A2M: variants seen among roughly 807,000 people sequenced by gnomAD.
The protein encoded by A2M is alpha-2-macroglobulin.
In A2M, 128 loss-of-function variants were observed where a neutral mutation model predicts 183.9. That is an observed-to-expected ratio of 0.70 (90% CI 0.60 to 0.81). The LOEUF is 0.81. A2M is among the 30% of genes least tolerant of loss of function. A2M has a pLI of 0.00. For synonymous variants in A2M, 592 were observed against 670.8 expected (o/e 0.88, Z 1.81); for missense variants, 1,495 against 1,787.6 (o/e 0.84, Z 2.95).
rs200618918 is a variant in A2M, at chr12:9,110,052, A to G, written c.505-17T>C. ...TTTGGGATCCTATATGAGTAAATTA[A>G]TTATAACTTACAAAAGCACCTGGAG... On this transcript the variant is annotated splice_polypyrimidine_tract_variant and intron_variant, in intron 5 of 35. Coordinates refer to ENST00000318602, the MANE Select transcript of A2M (RefSeq NM_000014.6). 3.1e-6 allele frequency: 5 copies of G among 1,591,628 alleles called. No homozygotes were observed. The highest frequency in any genetic ancestry group is 3.7e-5 in the Admixed American group (2 of 54,778).
chr12:9,107,025 T>A (rs936342375), intron 8 of A2M, among the ~76,000 whole-genome samples: 1 of 152,238 alleles, frequency 6.6e-6, no homozygotes, highest in Non-Finnish European at 1.5e-5. Context: ...GTTCAAGTCC[T>A]GTCCACTTGC....
chr12:9,087,468 A>C (rs1592354049), intron 22 of A2M, among the ~76,000 whole-genome samples: 1 of 152,188 alleles, frequency 6.6e-6, no homozygotes, highest in East Asian at 1.9e-4. Context: ...TCAAATTCAC[A>C]GGAGCAGAGA....
chr12:9,070,852 C>T (rs1481012898), intron 31 of A2M, among the ~76,000 whole-genome samples: 2 of 149,576 alleles, frequency 1.3e-5, no homozygotes, highest in Non-Finnish European at 3.0e-5. Context: ...GAGTTTTTCA[C>T]TCTTCTTGCC....
chr12:9,072,558 C>T (rs1948609096), intron 30 of A2M, 72 bp from the exon 31 acceptor site: 3 of 1,599,886 alleles, frequency 1.9e-6, no homozygotes, highest in Non-Finnish European at 2.6e-6. Flanking sequence ...CTAACCCTTT[C>T]TCTGATCTGT....
chr12:9,068,617 T>C lies in A2M; in HGVS notation c.4366+123A>G, dbSNP rs1199093348. On this transcript the variant is annotated intron_variant, in intron 34 of 35. Transcript: ENST00000318602. ...ACAAAAAGAGGGGCATCAGACTTGATGGAGACAAAATGAAGTGATAATGTA... is the reference window on the plus strand; with the variant it reads ...ACAAAAAGAGGGGCATCAGACTTGACGGAGACAAAATGAAGTGATAATGTA... 5 of 808,986 alleles carry C rather than the reference T, an allele frequency of 6.2e-6. No individual in the cohort carries two copies. The Admixed American group carries it at 6.6e-5, about 11-fold the overall frequency. The allele number at this position is 808,986 out of a possible 1,614,324, so 50.1% of individuals were successfully genotyped here.
At chr12:9,070,341 A>G (rs1948532091) in intron 32 of A2M, 147 bp downstream of exon 32, 1 of 635,268 alleles carries the variant, frequency 1.6e-6, no homozygotes, top group Admixed American at 2.6e-5. Context: ...TCATACAAAC[A>G]CATGTGATTA....
Position 9,093,473 on chromosome 12 carries a change from C to A in A2M, c.2232G>T (p.Val744=). ...YFPETWIWDL[V]VVNSAGVAEV... ...TGCAGGAAGTTACTTACTTTACCAC[C>A]ACCAAATCCCAGATCCATGTCTCAG... The change falls in exon 18 of 36, where the codon GTG becomes GTT. Residue 744 remains valine (V), a synonymous_variant. Transcript: ENST00000318602. The A allele has an allele frequency of 6.2e-7, 1 of 1,613,150 alleles. No homozygotes were observed. The highest frequency in any genetic ancestry group is 8.5e-7 in the Non-Finnish European group (1 of 1,179,206).
intron 15 of A2M, among the ~76,000 whole-genome samples, chr12:9,096,367 T>G (rs1038667517): frequency 4.6e-5 from 7 of 152,150 alleles, no homozygotes; most frequent in Admixed American, 3.9e-4. Flanking sequence ...GCACAAAGCT[T>G]TGAGATGATA....
chr12:9,086,568 A>G (rs778084746), intron 22 of A2M, among the ~76,000 whole-genome samples: 1 of 152,340 alleles, frequency 6.6e-6, no homozygotes, highest in East Asian at 1.9e-4. Flanking sequence ...AGATGGAGAA[A>G]AAGTATTTGA....
intron 31 of A2M, 100 bp from the exon 32 acceptor site, chr12:9,070,678 C>T (rs1565576066): frequency 1.2e-5 from 9 of 756,220 alleles, no homozygotes; most frequent in East Asian, 5.5e-5. Context: ...AAAAGGTACA[C>T]GTAAGTCTTC....
intron 22 of A2M, among the ~76,000 whole-genome samples, chr12:9,085,292 C>A (rs911027974): frequency 6.6e-6 from 1 of 151,980 alleles, no homozygotes; most frequent in African/African-American, 2.4e-5. Flanking sequence ...AGACTGAAAT[C>A]GTTTCATCGT....
chr12:9,090,505 G>A, intron 19 of A2M, 23 bp from the exon 20 acceptor site: 1 of 1,610,632 alleles, frequency 6.2e-7, no homozygotes, highest in Non-Finnish European at 8.5e-7. Flanking sequence ...ATAAGAAAGG[G>A]AGTAGAGAGG....
At chr12:9,090,539 GT>G in intron 19 of A2M, 57 bp from the exon 20 acceptor site, 1 of 1,576,624 alleles carries the variant, frequency 6.3e-7, no homozygotes, top group Non-Finnish European at 8.7e-7. Flanking sequence ...GGGAGAATGG[GT>G]TTGAAGTAAA....
intron 22 of A2M, among the ~76,000 whole-genome samples, chr12:9,081,570 A>G (rs760240379): frequency 6.6e-6 from 1 of 152,246 alleles, no homozygotes; most frequent in Non-Finnish European, 1.5e-5. Flanking sequence ...TAGGACACCT[A>G]CATTGTTCAT....
intron 1 of A2M, among the ~76,000 whole-genome samples, chr12:9,114,965 G>C (rs1424149116): frequency 6.6e-6 from 1 of 152,096 alleles, no homozygotes; most frequent in Non-Finnish European, 1.5e-5. Context: ...ATGATGAGCT[G>C]TTTTTTCCCC....
At chr12:9,081,121 C>A (rs1010161589) in intron 22 of A2M, among the ~76,000 whole-genome samples, 1 of 151,894 alleles carries the variant, frequency 6.6e-6, no homozygotes, top group African/African-American at 2.4e-5. Flanking sequence ...AAAATATCTG[C>A]AACATATTCA....
chr12:9,084,561 A>AAG (rs146033573), intron 22 of A2M, among the ~76,000 whole-genome samples: 2,561 of 152,238 alleles, frequency 0.017, 77 homozygotes, highest in African/African-American at 0.059. Flanking sequence ...AAAATTTTAA[A>AAG]AGATTCAAAT....
At chr12:9,109,092 C>T (rs1210656620) in intron 7 of A2M, among the ~76,000 whole-genome samples, 1 of 151,984 alleles carries the variant, frequency 6.6e-6, no homozygotes, top group Non-Finnish European at 1.5e-5. Flanking sequence ...TTAGCATAAC[C>T]TCTCTAGAAA....
At chr12:9,080,856 A>T (rs1303276042) in intron 22 of A2M, among the ~76,000 whole-genome samples, 1 of 152,200 alleles carries the variant, frequency 6.6e-6, no homozygotes, top group Non-Finnish European at 1.5e-5. Flanking sequence ...CATAAAATTC[A>T]TATTAAAATG....
Sources: gnomAD v4.1 joint callset for allele counts (sites outside exome capture counted in the v4.1 genomes callset) on GRCh38, gnomAD v4.1.1 for gene constraint, MANE v1.5 for transcripts, NCBI Gene and HGNC (gene_info 2026-07-23, HGNC 2026-07-21) for gene names.